Variants in ASPH observed in about 807,000 individuals in gnomAD.
ASPH encodes the protein aspartyl/asparaginyl beta-hydroxylase.
A neutral mutation model predicts 118.4 loss-of-function variants in ASPH; 100 were observed. That is an observed-to-expected ratio of 0.84 (90% CI 0.72 to 1.00). The LOEUF (loss-of-function observed/expected upper bound fraction) is 1.00, where lower values mean the gene tolerates loss of function less well. ASPH is among the 50% of genes least tolerant of loss of function. ASPH has a pLI of 0.00. For synonymous variants in ASPH, 315 were observed against 325.6 expected (o/e 0.97, Z 0.35); for missense variants, 920 against 919.5 (o/e 1.00, Z -0.01).
At chr8:61,545,295 ACC>A (rs1183137449) in intron 21 of ASPH, among the ~76,000 whole-genome samples, 1 of 152,190 alleles carries the variant, frequency 6.6e-6, no homozygotes, top group Non-Finnish European at 1.5e-5. Flanking sequence ...CCATCTACAA[ACC>A]AGGAAGCAGG....
intron 3 of ASPH, among the ~76,000 whole-genome samples, chr8:61,679,195 TA>T (rs536614167): frequency 2.0e-5 from 3 of 152,120 alleles, no homozygotes; most frequent in Admixed American, 2.0e-4. Flanking sequence ...ACAGGAAGAG[TA>T]AAAAAGTATT....
intron 24 of ASPH, among the ~76,000 whole-genome samples, chr8:61,515,970 G>C (rs1810751303): frequency 1.3e-5 from 2 of 152,158 alleles, no homozygotes; most frequent in Non-Finnish European, 1.5e-5. Flanking sequence ...GGGTTCCACA[G>C]TAACTTCCTA....
chr8:61,517,924 A>C, intron 23 of ASPH, 108 bp downstream of exon 23: 1 of 1,225,722 alleles, frequency 8.2e-7, no homozygotes, highest in Non-Finnish European at 1.2e-6. Flanking sequence ...GGGCATGTAA[A>C]AAGAGGCATT....
At chr8:61,606,252 G>T (rs1845547811) in intron 14 of ASPH, among the ~76,000 whole-genome samples, 1 of 152,152 alleles carries the variant, frequency 6.6e-6, no homozygotes, top group South Asian at 2.1e-4. Context: ...TGCAATTAAT[G>T]CTACTTCCAC....
chr8:61,538,214 T>C (rs1820392688), intron 21 of ASPH, among the ~76,000 whole-genome samples: 1 of 152,226 alleles, frequency 6.6e-6, no homozygotes, highest in Non-Finnish European at 1.5e-5. Context: ...AAAACAAATC[T>C]GTTTCTAATT....
At chr8:61,562,393 G>C (rs867223947) in intron 18 of ASPH, among the ~76,000 whole-genome samples, 2,961 of 145,654 alleles carry the variant, frequency 0.02, 55 homozygotes, top group South Asian at 0.061. Flanking sequence ...GTGTGTCTGT[G>C]TGTGTGTGTG....
At chr8:61,598,041 C>T (rs1292094710) in intron 14 of ASPH, among the ~76,000 whole-genome samples, 2 of 152,106 alleles carry the variant, frequency 1.3e-5, no homozygotes, top group African/African-American at 4.8e-5. Context: ...TGATAAACAA[C>T]AGACGATAAA....
At chr8:61,589,216 T>A (rs1228364419) in intron 14 of ASPH, among the ~76,000 whole-genome samples, 1 of 152,194 alleles carries the variant, frequency 6.6e-6, no homozygotes, top group Non-Finnish European at 1.5e-5. Flanking sequence ...GAATACACAC[T>A]ATAAAAGGTA....
intron 18 of ASPH, among the ~76,000 whole-genome samples, chr8:61,561,136 G>A (rs62506121): frequency 0.84 from 69,409 of 82,416 alleles, 29,828 homozygotes; most frequent in Middle Eastern, 0.89. Flanking sequence ...GGGAGGGAGG[G>A]AGGAAGGAAG....
intron 13 of ASPH, chr8:61,625,502 T>C (rs1422019049): frequency 7.1e-6 from 7 of 985,196 alleles, no homozygotes; most frequent in Non-Finnish European, 8.4e-6. Context: ...ATTATATGAT[T>C]AATCTGAGGT....
intron 13 of ASPH, among the ~76,000 whole-genome samples, chr8:61,622,637 CTAGT>C (rs1715700168): frequency 6.6e-6 from 1 of 152,210 alleles, no homozygotes; most frequent in African/African-American, 2.4e-5. Flanking sequence ...TCACCTATTA[CTAGT>C]TAGTTGCCTA....
intron 14 of ASPH, among the ~76,000 whole-genome samples, chr8:61,588,497 T>A (rs1224206422): frequency 2.0e-5 from 3 of 152,218 alleles, no homozygotes; most frequent in African/African-American, 7.2e-5. Context: ...AATCTTCACA[T>A]TACTCTATGT....
At chr8:61,668,369 C>A in intron 3 of ASPH, 2 of 939,824 alleles carry the variant, frequency 2.1e-6, no homozygotes, top group Non-Finnish European at 3.3e-6. Flanking sequence ...ATCAATGCCA[C>A]TATAAAATAT....
Position 61,714,513 on chromosome 8 carries a change from G to C in ASPH, c.-142C>G. The C allele has an allele frequency of 1.6e-6, 2 of 1,214,582 alleles. No individual in the cohort carries two copies. Among genetic ancestry groups the C allele is most frequent in the Non-Finnish European group, 2.1e-6 (2 of 943,754 alleles). 75.2% of individuals were successfully genotyped at this position (1,214,582 alleles called of 1,614,324 possible). A position where few individuals can be genotyped will look rare whatever the true frequency, so the allele number is the denominator to read the frequency against. On this transcript the variant is annotated 5_prime_UTR_variant, in exon 1 of 25. Coordinates refer to ENST00000379454, the MANE Select transcript of ASPH (RefSeq NM_004318.4). ...CTCCTGCAGCAGACCCTGTGCCTCA[G>C]CACCGCCTGCAGCACCTGGGAAGAC...
rs1284534330 is a variant in ASPH, at chr8:61,574,642, G to A, written c.1149+2130C>T. ...ATGTTCTCACTCATAAGTGGGAGTT[G>A]AACAATGAGAACACATGGACACAGG... On this transcript the variant is annotated intron_variant, in intron 16 of 24. Transcript: ENST00000379454. Among the ~76,000 whole-genome samples the A allele has an allele frequency of 3.9e-5, 6 of 152,108 alleles. No individual in the cohort carries two copies. In the East Asian group the frequency reaches 1.2e-3, roughly 29 times the overall value.
intron 21 of ASPH, among the ~76,000 whole-genome samples, chr8:61,532,577 C>T (rs1026087219): frequency 1.3e-5 from 2 of 152,012 alleles, no homozygotes; most frequent in Non-Finnish European, 2.9e-5. Flanking sequence ...CTGTGCTTTC[C>T]ATGTCATATC....
intron 24 of ASPH, among the ~76,000 whole-genome samples, chr8:61,505,289 T>C (rs139299379): frequency 6.6e-6 from 1 of 151,848 alleles, no homozygotes; most frequent in Non-Finnish European, 1.5e-5. Flanking sequence ...AGGTCAGGGG[T>C]TCGAGGCCAG....
chr8:61,576,272 A>G (rs2132107117), intron 16 of ASPH, among the ~76,000 whole-genome samples: 1 of 152,340 alleles, frequency 6.6e-6, no homozygotes, highest in East Asian at 1.9e-4. Flanking sequence ...AGGAGTTGGA[A>G]ACTAGAAAAA....
intron 9 of ASPH, 143 bp from the exon 10 acceptor site, chr8:61,643,063 A>T: frequency 1.3e-6 from 1 of 784,456 alleles, no homozygotes; most frequent in Non-Finnish European, 1.9e-6. Context: ...TCAATAATAA[A>T]TGCCTCTGCC....
Sources: gnomAD v4.1 joint callset for allele counts (sites outside exome capture counted in the v4.1 genomes callset) on GRCh38, gnomAD v4.1.1 for gene constraint, MANE v1.5 for transcripts, NCBI Gene and HGNC (gene_info 2026-07-23, HGNC 2026-07-21) for gene names.